TECTA: variants seen among roughly 807,000 people sequenced by gnomAD.
TECTA encodes tectorin alpha, also known as alpha-tectorin.
Under a neutral mutation model 216.8 loss-of-function variants are expected in TECTA, and 128 were observed. The ratio of observed to expected loss-of-function variants is 0.59; its 90% CI spans 0.51 to 0.68. The LOEUF is 0.68. TECTA is among the 30% of genes least tolerant of loss of function. The pLI is 0.00. For missense variants in TECTA, 2,551 were observed against 2,786.2 expected, an observed-to-expected ratio of 0.92 and a Z score of 1.90; for synonymous variants, 1,089 against 1,117.1, an observed-to-expected ratio of 0.97 and a Z score of 0.50.
At chr11:121,156,660 T>TTATTATTATTA (rs562809075) in intron 13 of TECTA, among the ~76,000 whole-genome samples, 23 of 145,396 alleles carry the variant, frequency 1.6e-4, no homozygotes, top group East Asian at 1.2e-3. Context: ...TATTATTATT[T>TTATTATTATTA]TTATTATTAT....
At chr11:121,179,256 T>G (rs1336022991) in intron 20 of TECTA, among the ~76,000 whole-genome samples, 1 of 152,200 alleles carries the variant, frequency 6.6e-6, no homozygotes, top group Non-Finnish European at 1.5e-5. Flanking sequence ...TTTAAAAATT[T>G]TTTTTAAATC....
At chr11:121,157,658 T>C (rs1050183593) in intron 13 of TECTA, among the ~76,000 whole-genome samples, 183 bp from the exon 14 acceptor site, 1 of 152,322 alleles carries the variant, frequency 6.6e-6, no homozygotes, top group South Asian at 2.1e-4. Context: ...GTTTGGCGTC[T>C]GAGTTGCATG....
At chr11:121,152,214 CAT>C (rs1335279942) in intron 12 of TECTA, among the ~76,000 whole-genome samples, 6 of 152,260 alleles carry the variant, frequency 3.9e-5, no homozygotes, top group African/African-American at 7.2e-5. Context: ...TTTGCACAGA[CAT>C]GTGCACGTGC....
chr11:121,161,545 CCCTTCCCTTCCCTTCCCTT>C (rs1366759463), intron 15 of TECTA, among the ~76,000 whole-genome samples: 3 of 45,302 alleles, frequency 6.6e-5, no homozygotes, highest in Non-Finnish European at 1.1e-4. Context: ...CTCCCTCCTT[CCCTTCCCTTCCCTTCCCTT>C]CCCTCCCCTT....
At position 121,113,455 on chromosome 11, in the gene TECTA, A is replaced by C; in HGVS notation, c.625-98A>C. 2 of 1,555,000 alleles carry C rather than the reference A, an allele frequency of 1.3e-6. No homozygotes were observed. The highest frequency in any genetic ancestry group is 1.8e-6 in the Non-Finnish European group (2 of 1,128,508). On this transcript the variant is annotated intron_variant, in intron 5 of 23. Coordinates refer to ENST00000392793, the MANE Select transcript of TECTA (RefSeq NM_005422.4). This position sits in a 1 kb window ranked among gnomAD's most constrained non-coding sequence, Gnocchi z 4.2. ...TGACTCCAGGAAAAGACGGCTCTTG[A>C]TTTTAGAGGTGCTGGATTTTAAAAA...
At chr11:121,168,414 A>T in intron 19 of TECTA, 197 bp downstream of exon 19, 1 of 874,646 alleles carries the variant, frequency 1.1e-6, no homozygotes, top group Non-Finnish European at 1.8e-6. Flanking sequence ...TGTACTGTTT[A>T]ATGTGGTGGC....
intron 23 of TECTA, 72 bp from the exon 24 acceptor site, chr11:121,190,634 A>G (rs1397034158): frequency 1.2e-5 from 14 of 1,199,894 alleles, no homozygotes; most frequent in Non-Finnish European, 1.7e-5. Context: ...TGAGTGCTGC[A>G]AAGATGTCTG....
chr11:121,153,938 A>G (rs1285414290), intron 13 of TECTA, among the ~76,000 whole-genome samples: 1 of 152,214 alleles, frequency 6.6e-6, no homozygotes, highest in Non-Finnish European at 1.5e-5. Context: ...AACTACAGAT[A>G]ATTGAGTATC....
intron 11 of TECTA, 96 bp from the exon 12 acceptor site, chr11:121,145,459 C>G: frequency 1.5e-6 from 2 of 1,341,598 alleles, no homozygotes; most frequent in Non-Finnish European, 2.1e-6. Context: ...TCAAACTTCC[C>G]TCTGGGACTT....
At chr11:121,145,475 T>G (rs1459201430) in intron 11 of TECTA, 80 bp from the exon 12 acceptor site, 1 of 1,490,910 alleles carries the variant, frequency 6.7e-7, no homozygotes, top group African/African-American at 1.4e-5. Context: ...GACTTGTCTT[T>G]CAAGAGACTC....
In TECTA at chr11:121,166,646, T is replaced by G. The variant is rs148209145; in HGVS notation, c.5452T>G (p.Cys1818Gly). 2.1e-5 allele frequency: 34 copies of G among 1,614,066 alleles called. No homozygotes were observed. The highest frequency in any genetic ancestry group is 2.9e-5 in the Non-Finnish European group (34 of 1,180,052). Residue 1818 changes from cysteine (C) to glycine (G), a missense_variant, in exon 18 of 24, where the codon TGC becomes GGC. By Grantham distance (159) the Cys-to-Gly change is radical. This residue lies in a region of TECTA where 2,375 missense variants were observed against 2,563.9 expected (regional missense o/e 0.93). Coordinates refer to ENST00000392793, the MANE Select transcript of TECTA (RefSeq NM_005422.4). The part of the protein sequence containing the change: ...AAQMEVSISK[C>G]KLFQLGFERE... ...CCAAATGGAAGTGTCCATATCTAAGTGCAAGCTCTTCCAGCTCGGTTTTGA... is the reference window on the plus strand; with the variant it reads ...CCAAATGGAAGTGTCCATATCTAAGGGCAAGCTCTTCCAGCTCGGTTTTGA...
intron 3 of TECTA, among the ~76,000 whole-genome samples, chr11:121,108,515 TACACACACACTCCAATATAC>T (rs1946411555): frequency 2.9e-5 from 4 of 139,008 alleles, no homozygotes; most frequent in African/African-American, 1.1e-4. Flanking sequence ...CCCACCCCAG[TACACACACACTCCAATATAC>T]ACACACACAT....
At chr11:121,116,987 C>T (rs1287684612) in intron 6 of TECTA, among the ~76,000 whole-genome samples, 1 of 152,204 alleles carries the variant, frequency 6.6e-6, no homozygotes, top group African/African-American at 2.4e-5. Flanking sequence ...ATGGAATTGC[C>T]TGTTGAAACA....
At chr11:121,137,265 T>C (rs900354009) in intron 10 of TECTA, among the ~76,000 whole-genome samples, 156 bp from the exon 11 acceptor site, 3 of 151,060 alleles carry the variant, frequency 2.0e-5, no homozygotes, top group Admixed American at 1.3e-4. Flanking sequence ...CACACACACA[T>C]GCATGCACAA....
chr11:121,172,831 C>T (rs1341408946), intron 20 of TECTA, among the ~76,000 whole-genome samples: 1 of 151,668 alleles, frequency 6.6e-6, no homozygotes, highest in Non-Finnish European at 1.5e-5. Context: ...CCTATTTCTC[C>T]ACATCCTCTC....
rs993671350 is a variant in TECTA at position 121,130,201 on chromosome 11, T to C, written c.2931T>C (p.Tyr977=). ...ADVEVGPWRT[Y]DFCPLECPEN... ...TGGAGGTGGGGCCCTGGCGGACCTA[T>C]GACTTCTGCCGTAAGTTGGGGTTGG... Residue 977 remains tyrosine (Y), a synonymous_variant, in exon 10 of 24, where the codon TAT becomes TAC. Coordinates refer to ENST00000392793, the MANE Select transcript of TECTA (RefSeq NM_005422.4). 2 of 1,600,398 alleles carry C rather than the reference T, an allele frequency of 1.2e-6. No homozygotes were observed. The highest frequency in any genetic ancestry group is 1.7e-6 in the Non-Finnish European group (2 of 1,179,950).
intron 11 of TECTA, among the ~76,000 whole-genome samples, chr11:121,139,091 C>T (rs620778): frequency 0.33 from 49,754 of 152,134 alleles, 11,879 homozygotes; most frequent in African/African-American, 0.68. Context: ...CTTGAATTAT[C>T]TTTCATGTTT....
At chr11:121,179,832 TAGCTACTC>T (rs1486191314) in intron 20 of TECTA, among the ~76,000 whole-genome samples, 1 of 152,160 alleles carries the variant, frequency 6.6e-6, no homozygotes, top group Non-Finnish European at 1.5e-5. Flanking sequence ...GACACAAATA[TAGCTACTC>T]CTGCTTGCTT....
intron 14 of TECTA, among the ~76,000 whole-genome samples, chr11:121,159,086 T>C (rs902346757): frequency 2.6e-5 from 4 of 152,196 alleles, no homozygotes; most frequent in African/African-American, 4.8e-5. Context: ...TGTTATTGTG[T>C]GTATCTGTTT....
Sources: allele counts gnomAD v4.1 joint callset (sites outside exome capture counted in the v4.1 genomes callset), GRCh38; gene constraint gnomAD v4.1.1; regional missense constraint gnomAD v4.1.1; non-coding constraint Gnocchi (gnomAD v3.1); transcripts MANE v1.5; gene names NCBI Gene and HGNC (gene_info 2026-07-23, HGNC 2026-07-21).